DTWD2: variants seen among roughly 807,000 people sequenced by gnomAD.
DTWD2 encodes the protein DTW motif tRNA-uridine aminocarboxypropyltransferase 2.
A neutral mutation model predicts 31.8 loss-of-function variants in DTWD2; 39 were observed. That is an observed-to-expected ratio of 1.22 (90% confidence interval 0.95 to 1.60). The LOEUF is 1.60. Ranked by LOEUF, DTWD2 falls within the 40% of genes most tolerant of loss-of-function variation. DTWD2 has a pLI of 0.00. For missense variants in DTWD2, 515 were observed against 381.5 expected (o/e 1.35, Z -2.92); for synonymous variants, 180 against 142.8 (o/e 1.26, Z -1.86).
rs1340290760 is a variant in DTWD2 at position 118,848,187 on chromosome 5, T to C, written c.629A>G (p.Tyr210Cys). Residue 210 changes from tyrosine to cysteine, a missense_variant, in exon 5 of 6, where the codon TAT becomes TGT. Tyr to Cys is a radical substitution (Grantham distance 194). Coordinates refer to ENST00000510708, the MANE Select transcript of DTWD2 (RefSeq NM_173666.4). ...VQLKTSISSQ[Y>C]VIRMQPTNRC... ...ATTAGTCGGCTGCATCCGAATTACA[T>C]ACTGACTAGAAATGCTAGTTTTTAA... 1.2e-6 allele frequency: 2 copies of C among 1,606,074 alleles called. No individual in the cohort carries two copies. Among genetic ancestry groups the C allele is most frequent in the African/African-American group, 1.3e-5 (1 of 74,574 alleles).
At chr5:118,846,865 A>G (rs1349622357) in intron 5 of DTWD2, among the ~76,000 whole-genome samples, 2 of 151,094 alleles carry the variant, frequency 1.3e-5, no homozygotes, top group Admixed American at 1.3e-4. Flanking sequence ...TTTTTTTCAA[A>G]AGCAGAGAAA....
chr5:118,952,396 TA>T (rs1754486955), intron 1 of DTWD2, among the ~76,000 whole-genome samples: 1 of 151,966 alleles, frequency 6.6e-6, no homozygotes, highest in Admixed American at 6.5e-5. Flanking sequence ...CAAAGGGACA[TA>T]GGGGTGGGGC....
At chr5:118,885,154 A>T (rs7716357) in intron 4 of DTWD2, among the ~76,000 whole-genome samples, 31,710 of 142,656 alleles carry the variant, frequency 0.22, 3,356 homozygotes, top group Middle Eastern at 0.28. Context: ...ACAAAAAATT[A>T]AAAAAAAAAA....
intron 1 of DTWD2, among the ~76,000 whole-genome samples, chr5:118,984,859 A>C (rs1229501602): frequency 6.6e-6 from 1 of 152,186 alleles, no homozygotes; most frequent in Non-Finnish European, 1.5e-5. Context: ...AAGATGCCTA[A>C]AATATTTCTG....
chr5:118,860,591 G>C (rs1213863585), intron 4 of DTWD2, among the ~76,000 whole-genome samples: 1 of 152,064 alleles, frequency 6.6e-6, no homozygotes, highest in African/African-American at 2.4e-5. Flanking sequence ...ATATTATCAA[G>C]TTACCCTCAA....
chr5:118,928,257 G>A (rs1020686992), intron 4 of DTWD2, among the ~76,000 whole-genome samples: 2 of 151,948 alleles, frequency 1.3e-5, no homozygotes, highest in Admixed American at 6.6e-5. Flanking sequence ...CTGATTAAAT[G>A]TCTAAGAGAC....
chr5:118,920,817 T>C (rs1300203916), intron 4 of DTWD2, among the ~76,000 whole-genome samples: 2 of 152,128 alleles, frequency 1.3e-5, no homozygotes, highest in Non-Finnish European at 2.9e-5. Context: ...ATTCATAAAG[T>C]AAATGGGGAG....
chr5:118,949,933 G>C (rs975051026), intron 1 of DTWD2, among the ~76,000 whole-genome samples: 1 of 152,110 alleles, frequency 6.6e-6, no homozygotes, highest in Non-Finnish European at 1.5e-5. Flanking sequence ...CTAAGCGGCC[G>C]GGCGCGATGG....
At chr5:118,887,905 T>C (rs1001116174) in intron 4 of DTWD2, among the ~76,000 whole-genome samples, 9 of 152,270 alleles carry the variant, frequency 5.9e-5, no homozygotes, top group African/African-American at 1.7e-4. Context: ...CCTCCCAAAG[T>C]TGTGGGATTA....
intron 4 of DTWD2, among the ~76,000 whole-genome samples, chr5:118,881,738 G>C (rs912199265): frequency 6.6e-6 from 1 of 152,094 alleles, no homozygotes; most frequent in African/African-American, 2.4e-5. Context: ...ATAGAAAACT[G>C]CCACTTTTAA....
chr5:118,891,634 C>T (rs971144589), intron 4 of DTWD2, among the ~76,000 whole-genome samples: 15 of 152,156 alleles, frequency 9.9e-5, no homozygotes, highest in Admixed American at 7.9e-4. Flanking sequence ...CTAGAAGTTA[C>T]AGTAATTGAT....
At chr5:118,966,961 G>A (rs1754864594) in intron 1 of DTWD2, among the ~76,000 whole-genome samples, 1 of 151,498 alleles carries the variant, frequency 6.6e-6, no homozygotes, top group Non-Finnish European at 1.5e-5. Context: ...AACCTGGGAG[G>A]TAGAGGTTGC....
chr5:118,891,642 G>GAT (rs1752979468), intron 4 of DTWD2, among the ~76,000 whole-genome samples: 1 of 152,166 alleles, frequency 6.6e-6, no homozygotes, highest in Admixed American at 6.5e-5. Flanking sequence ...TACAGTAATT[G>GAT]ATATATATAA....
rs1300543157 is a variant in DTWD2 at position 118,838,491 on chromosome 5, C to T, written c.*2426G>A. ...TGATTAATTTTTCAATTAAAATACT[C>T]AGATAATACTACACACTTGAGAACT... is the stretch of plus-strand genomic sequence containing the variant. On this transcript the variant is annotated 3_prime_UTR_variant, in exon 6 of 6. Transcript: ENST00000510708. 6.6e-6 allele frequency: 1 copy of T among 152,116 alleles called. No individual in the cohort carries two copies. Among genetic ancestry groups the T allele is most frequent in the Non-Finnish European group, 1.5e-5 (1 of 68,018 alleles). The allele number at this position is 152,116 out of a possible 1,614,324, so 9.4% of individuals were successfully genotyped here.
chr5:118,988,504 G>A lies in DTWD2; in HGVS notation c.8C>T (p.Ser3Leu), dbSNP rs1379808160. The change falls in exon 1 of 6, where the codon TCG becomes TTG. Residue 3 changes from serine to leucine, a missense_variant. Transcript: ENST00000510708. Reference sequence around the variant, plus strand: ...CTGGAGTGTTCGTGCCTCTTTCTGCGACTCCATGGCGGACACTCCGGTCAG... The same window carrying A: ...CTGGAGTGTTCGTGCCTCTTTCTGCAACTCCATGGCGGACACTCCGGTCAG... ME[S>L]QKEARTLQEP... The A allele has an allele frequency of 1.7e-5, 26 of 1,567,332 alleles. No homozygotes were observed. Among genetic ancestry groups the A allele is most frequent in the Non-Finnish European group, 2.2e-5 (26 of 1,159,848 alleles).
At chr5:118,881,201 T>A (rs777188680) in intron 4 of DTWD2, among the ~76,000 whole-genome samples, 3 of 152,198 alleles carry the variant, frequency 2.0e-5, no homozygotes, top group Non-Finnish European at 4.4e-5. Context: ...AAGGTGTAGG[T>A]ACCATTTTTA....
At chr5:118,846,200 C>T (rs1580762160) in intron 5 of DTWD2, among the ~76,000 whole-genome samples, 1 of 151,772 alleles carries the variant, frequency 6.6e-6, no homozygotes, top group African/African-American at 2.4e-5. Flanking sequence ...TCTTTTTTTA[C>T]AAGTAGATGG....
At chr5:118,910,204 ATTTG>A (rs2149570379) in intron 4 of DTWD2, among the ~76,000 whole-genome samples, 1 of 152,174 alleles carries the variant, frequency 6.6e-6, no homozygotes, top group African/African-American at 2.4e-5. Context: ...TCCATCTTTA[ATTTG>A]TTTCTTTTTG....
chr5:118,870,539 T>C (rs1212785891), intron 4 of DTWD2, among the ~76,000 whole-genome samples: 2 of 152,232 alleles, frequency 1.3e-5, no homozygotes, highest in African/African-American at 4.8e-5. Flanking sequence ...GTCTATTAGG[T>C]ATGCAATAGC....
Sources: allele counts gnomAD v4.1 joint callset (sites outside exome capture counted in the v4.1 genomes callset), GRCh38; gene constraint gnomAD v4.1.1; transcripts MANE v1.5; gene names NCBI Gene and HGNC (gene_info 2026-07-23, HGNC 2026-07-21).